The following PTGER3 variants were observed in gnomAD, a reference collection of about 807,000 sequenced individuals.
PTGER3 encodes the protein prostaglandin E receptor 3.
A neutral mutation model predicts 34.7 loss-of-function variants in PTGER3; 22 were observed. The observed-to-expected ratio is 0.63, with a 90% CI of 0.45 to 0.91. The LOEUF (loss-of-function observed/expected upper bound fraction) is 0.91. PTGER3 is among the 40% of genes least tolerant of loss of function. The pLI is 0.00. For synonymous variants in PTGER3, 241 were observed against 230.1 expected (o/e 1.05, Z -0.43); for missense variants, 468 against 519.4 (o/e 0.90, Z 0.96).
At chr1:70,879,905 C>T (rs1646353145) in intron 4 of PTGER3, among the ~76,000 whole-genome samples, 1 of 152,008 alleles carries the variant, frequency 6.6e-6, no homozygotes, top group Non-Finnish European at 1.5e-5. Flanking sequence ...CCATCCTGGC[C>T]AACATGGTGG....
chr1:70,860,219 A>T (rs1645898051), intron 4 of PTGER3, among the ~76,000 whole-genome samples: 1 of 152,196 alleles, frequency 6.6e-6, no homozygotes, highest in African/African-American at 2.4e-5. Context: ...ATTAAAAATA[A>T]TATATATTCT....
Position 70,852,835 on chromosome 1 carries a change from G to C in PTGER3, c.*48C>G, listed in dbSNP as rs370011755. ...GTGATGTGATCCTGGCAGAAAGGCA[G>C]GTTTTAATTTCCCCAAAATTCCTCC... On this transcript the variant is annotated 3_prime_UTR_variant, in exon 5 of 5. Coordinates refer to the PTGER3 transcript ENST00000370931. The C allele has an allele frequency of 2.5e-6, 4 of 1,613,278 alleles. No homozygotes were observed. In the Admixed American group the frequency reaches 5.0e-5, roughly 20 times the overall value.
At chr1:70,920,740 T>C (rs1647443176) in intron 4 of PTGER3, among the ~76,000 whole-genome samples, 1 of 152,196 alleles carries the variant, frequency 6.6e-6, no homozygotes, top group African/African-American at 2.4e-5. Context: ...ACAAGGTAAA[T>C]GTTTCTGTTT....
chr1:70,853,143 A>G (rs1645719310), intron 4 of PTGER3, among the ~76,000 whole-genome samples: 1 of 152,204 alleles, frequency 6.6e-6, no homozygotes, highest in Non-Finnish European at 1.5e-5. Flanking sequence ...GGGTGGAAAC[A>G]TGGTAAGACA....
At chr1:70,887,625 T>C (rs1002841906) in intron 4 of PTGER3, among the ~76,000 whole-genome samples, 1 of 81,144 alleles carries the variant, frequency 1.2e-5, no homozygotes, top group Non-Finnish European at 3.0e-5. Flanking sequence ...TATATACTTA[T>C]TTTTCAACAA....
At chr1:70,952,210 C>T (rs780094359), downstream of PTGER3, among the ~76,000 whole-genome samples, 35 of 152,114 alleles carry the variant, frequency 2.3e-4, no homozygotes, top group Non-Finnish European at 5.1e-4. Context: ...GTAGAGTCAA[C>T]AGTACTTGCC....
intron 2 of PTGER3, among the ~76,000 whole-genome samples, chr1:70,986,955 T>G (rs1654983137): frequency 6.6e-6 from 1 of 152,208 alleles, no homozygotes; most frequent in Non-Finnish European, 1.5e-5. Flanking sequence ...TGTAAGAGTT[T>G]TGTTCTTTCT....
At chr1:70,907,151 T>C (rs1646966847) in intron 4 of PTGER3, among the ~76,000 whole-genome samples, 1 of 152,216 alleles carries the variant, frequency 6.6e-6, no homozygotes. Context: ...GGTAACAATA[T>C]GGTAACAGCT....
chr1:70,897,998 G>T (rs1171495860), intron 4 of PTGER3, among the ~76,000 whole-genome samples: 1 of 144,772 alleles, frequency 6.9e-6, no homozygotes, highest in Non-Finnish European at 1.5e-5. Flanking sequence ...GGTCCTCACT[G>T]ATTTAAAAAA....
chr1:71,026,173 C>A (rs762975130), intron 1 of PTGER3, among the ~76,000 whole-genome samples: 3 of 152,154 alleles, frequency 2.0e-5, no homozygotes, highest in Admixed American at 6.6e-5. Flanking sequence ...ACAAAACACA[C>A]CCCTGGCTAA....
At chr1:70,966,058 T>C (rs1371295274), downstream of PTGER3, among the ~76,000 whole-genome samples, 3 of 152,204 alleles carry the variant, frequency 2.0e-5, no homozygotes, top group Non-Finnish European at 4.4e-5. Flanking sequence ...AAACTATTAT[T>C]CACTTACTAA....
Position 71,047,406 on chromosome 1 carries a change from T to G in PTGER3, c.172A>C (p.Met58Leu). The G allele has an allele frequency of 6.2e-7, 1 of 1,611,774 alleles. No individual in the cohort carries two copies. Among genetic ancestry groups the G allele is most frequent in the Non-Finnish European group, 8.5e-7 (1 of 1,179,704 alleles). The change falls in exon 1 of 4, where the codon ATG becomes CTG. Residue 58 changes from methionine (M) to leucine (L), a missense_variant. By Grantham distance (15) the Met-to-Leu change is conservative. Coordinates refer to ENST00000306666, the MANE Select transcript of PTGER3 (RefSeq NM_198719.2). ...GSVSVAFPIT[M>L]LLTGFVGNAL... ...TTGCCCACGAAACCAGTGAGCAGCA[T>G]GGTGATCGGGAAGGCCACGGACACC...
intron 2 of PTGER3, among the ~76,000 whole-genome samples, chr1:70,999,459 C>T (rs1270092055): frequency 1.3e-5 from 2 of 152,162 alleles, no homozygotes; most frequent in African/African-American, 4.8e-5. Context: ...AACTCAGAAA[C>T]AGGGGGCAAG....
rs554927413 is a variant in PTGER3 at position 71,006,175 on chromosome 1, C to A, written c.1077+6130G>T. ...ACAAAACTCTGCCTATCCTGAAATACTAAAGAATCAAGATTGTAGAGACAA... is the reference window on the plus strand; with the variant it reads ...ACAAAACTCTGCCTATCCTGAAATAATAAAGAATCAAGATTGTAGAGACAA... On this transcript the variant is annotated intron_variant, in intron 2 of 3. Coordinates refer to ENST00000306666, the MANE Select transcript of PTGER3 (RefSeq NM_198719.2). The A allele has an allele frequency of 9.5e-5, 94 of 984,960 alleles. No homozygotes were observed. In the South Asian group the frequency reaches 3.8e-3, roughly 39 times the overall value. 61.0% of individuals were successfully genotyped at this position (984,960 alleles called of 1,614,324 possible).
intron 1 of PTGER3, among the ~76,000 whole-genome samples, chr1:71,018,952 T>C (rs1321094383): frequency 6.6e-6 from 1 of 152,166 alleles, no homozygotes; most frequent in East Asian, 1.9e-4. Context: ...AATATAGAGA[T>C]AATTGGAATT....
chr1:70,956,770 G>A (rs1307911238), intron 2 of PTGER3, among the ~76,000 whole-genome samples: 1 of 152,124 alleles, frequency 6.6e-6, no homozygotes, highest in Non-Finnish European at 1.5e-5. Context: ...TTGGGAAGCG[G>A]AAGTGGGCAG....
intron 1 of PTGER3, among the ~76,000 whole-genome samples, chr1:71,033,062 T>G (rs1251071353): frequency 6.6e-6 from 1 of 152,186 alleles, no homozygotes; most frequent in African/African-American, 2.4e-5. Context: ...AAATAACATC[T>G]ATTAGATCAA....
chr1:70,944,937 A>G (rs1440276735), intron 4 of PTGER3, among the ~76,000 whole-genome samples: 1 of 152,114 alleles, frequency 6.6e-6, no homozygotes, highest in African/African-American at 2.4e-5. Context: ...TCTTCATTGT[A>G]GTATCTCCAT....
rs141025611 is a variant in PTGER3 at position 71,047,196 on chromosome 1, G to T, written c.382C>A (p.Arg128=). The T allele has an allele frequency of 2.5e-6, 4 of 1,598,458 alleles. No homozygotes were observed. The highest frequency in any genetic ancestry group is 1.7e-5 in the Admixed American group (1 of 57,216). The part of the protein sequence containing the change: ...QRWEHIDPSG[R]LCTFFGLTMT... Reference sequence around the variant, plus strand: ...GTCAGCCCGAAAAAGGTGCAGAGCCGCCCCGACGGGTCGATGTGCTCCCAA... The same window carrying T: ...GTCAGCCCGAAAAAGGTGCAGAGCCTCCCCGACGGGTCGATGTGCTCCCAA... The change falls in exon 1 of 4, where the codon CGG becomes AGG. Residue 128 remains arginine, a synonymous_variant. Transcript: ENST00000306666.
Sources: gnomAD v4.1 joint callset for allele counts (sites outside exome capture counted in the v4.1 genomes callset) on GRCh38, gnomAD v4.1.1 for gene constraint, MANE v1.5 for transcripts, NCBI Gene and HGNC (gene_info 2026-07-23, HGNC 2026-07-21) for gene names.